HS6ST3: variants seen among roughly 807,000 people sequenced by gnomAD.
HS6ST3 encodes heparan sulfate 6-O-sulfotransferase 3, also known as heparan-sulfate 6-O-sulfotransferase 3.
In HS6ST3, 12 loss-of-function variants were observed where a neutral mutation model predicts 36.7. That is an observed-to-expected ratio of 0.33 (90% confidence interval 0.21 to 0.53). HS6ST3 has a LOEUF of 0.53. Ranked by LOEUF, HS6ST3 falls within the 20% of genes least tolerant of loss-of-function variation. The pLI, the probability that HS6ST3 is intolerant of heterozygous loss-of-function variation, is 0.95. For missense variants in HS6ST3, 584 were observed against 640.9 expected, an observed-to-expected ratio of 0.91 and a Z score of 0.96; for synonymous variants, 240 against 257.5, an observed-to-expected ratio of 0.93 and a Z score of 0.65.
chr13:96,240,162 C>G (rs1037138579), intron 1 of HS6ST3, among the ~76,000 whole-genome samples: 2 of 152,114 alleles, frequency 1.3e-5, no homozygotes, highest in Admixed American at 6.5e-5. Flanking sequence ...GTAGCACTTA[C>G]AGCATTTCAG....
chr13:96,271,291 T>C (rs1377526404), intron 1 of HS6ST3, among the ~76,000 whole-genome samples: 1 of 151,888 alleles, frequency 6.6e-6, no homozygotes, highest in Non-Finnish European at 1.5e-5. Flanking sequence ...AGCACAGAAA[T>C]AGTAAAATAG....
intron 1 of HS6ST3, among the ~76,000 whole-genome samples, chr13:96,724,976 A>G (rs1035465738): frequency 6.6e-6 from 1 of 152,216 alleles, no homozygotes; most frequent in African/African-American, 2.4e-5. Context: ...AACATTTTAT[A>G]TTCCAACCAG....
chr13:96,808,071 G>A (rs1174242008), intron 1 of HS6ST3, among the ~76,000 whole-genome samples: 1 of 151,994 alleles, frequency 6.6e-6, no homozygotes, highest in Non-Finnish European at 1.5e-5. Context: ...TTGACTGGAC[G>A]GTGCCAAAAA....
At chr13:96,134,514 A>G (rs1021604560) in intron 1 of HS6ST3, among the ~76,000 whole-genome samples, 8 of 151,772 alleles carry the variant, frequency 5.3e-5, no homozygotes, top group Non-Finnish European at 7.4e-5. Context: ...TTTTATTTCT[A>G]AGCTCTTGGT....
At chr13:96,608,928 GTAGA>G (rs550415773) in intron 1 of HS6ST3, among the ~76,000 whole-genome samples, 207 of 151,872 alleles carry the variant, frequency 1.4e-3, no homozygotes, top group Admixed American at 1.6e-3. Context: ...GTGTGTATGT[GTAGA>G]TAGATAGATA....
intron 1 of HS6ST3, among the ~76,000 whole-genome samples, chr13:96,643,755 CT>C (rs2056578581): frequency 6.6e-6 from 1 of 151,794 alleles, no homozygotes; most frequent in Non-Finnish European, 1.5e-5. Context: ...TGAAGGGGTT[CT>C]TACCCTATTT....
intron 1 of HS6ST3, among the ~76,000 whole-genome samples, chr13:96,295,537 T>G (rs1044565620): frequency 2.0e-5 from 3 of 152,102 alleles, no homozygotes. Flanking sequence ...GAGCTCTCTT[T>G]AAAAAATAGT....
At chr13:96,421,700 A>G (rs2055563351) in intron 1 of HS6ST3, among the ~76,000 whole-genome samples, 1 of 152,124 alleles carries the variant, frequency 6.6e-6, no homozygotes, top group African/African-American at 2.4e-5. Flanking sequence ...TTCCTAACTC[A>G]CCAAGAAGAA....
intron 1 of HS6ST3, among the ~76,000 whole-genome samples, chr13:96,758,645 C>A (rs938004387): frequency 2.6e-5 from 4 of 151,842 alleles, no homozygotes; most frequent in African/African-American, 9.7e-5. Context: ...TTGAGATCAG[C>A]AAAGTTTAAT....
At chr13:96,486,093 C>T (rs886801903) in intron 1 of HS6ST3, among the ~76,000 whole-genome samples, 1 of 149,468 alleles carries the variant, frequency 6.7e-6, no homozygotes, top group Non-Finnish European at 1.5e-5. Flanking sequence ...CAATTCCCAC[C>T]TGTGAGTGAG....
intron 1 of HS6ST3, among the ~76,000 whole-genome samples, chr13:96,200,964 C>G (rs968170057): frequency 2.6e-5 from 4 of 152,294 alleles, no homozygotes; most frequent in Admixed American, 2.0e-4. Context: ...AGAAAACTTA[C>G]GGCTGTGAGT....
intron 1 of HS6ST3, among the ~76,000 whole-genome samples, chr13:96,688,143 C>T (rs542960664): frequency 4.0e-5 from 6 of 150,624 alleles, no homozygotes; most frequent in East Asian, 3.9e-4. Context: ...GGGTGCAGCA[C>T]ACCAACATGG....
intron 1 of HS6ST3, among the ~76,000 whole-genome samples, chr13:96,464,031 T>C (rs1346628075): frequency 6.7e-6 from 1 of 149,098 alleles, no homozygotes. Context: ...TTTTTTTTTT[T>C]TTTTTTTTTT....
chr13:96,311,099 C>G (rs1252697749), intron 1 of HS6ST3, among the ~76,000 whole-genome samples: 1 of 152,264 alleles, frequency 6.6e-6, no homozygotes, highest in South Asian at 2.1e-4. Context: ...AATTTGATAA[C>G]TGGGTTTCTT....
intron 1 of HS6ST3, among the ~76,000 whole-genome samples, chr13:96,446,778 G>C (rs780384840): frequency 2.0e-5 from 3 of 152,146 alleles, no homozygotes; most frequent in Non-Finnish European, 4.4e-5. Context: ...GAGCACTCTA[G>C]GACTACGCCC....
At chr13:96,760,701 G>A (rs1156420030) in intron 1 of HS6ST3, among the ~76,000 whole-genome samples, 1 of 152,080 alleles carries the variant, frequency 6.6e-6, no homozygotes, top group East Asian at 1.9e-4. Context: ...TAAATTGCTA[G>A]AAGGAGAATC....
chr13:96,175,227 A>G (rs1014254939), intron 1 of HS6ST3, among the ~76,000 whole-genome samples: 1 of 151,986 alleles, frequency 6.6e-6, no homozygotes, highest in African/African-American at 2.4e-5. Flanking sequence ...TTAATATTTG[A>G]TTTGAAATGA....
chr13:96,658,488 G>T (rs2056634887), intron 1 of HS6ST3, among the ~76,000 whole-genome samples: 1 of 150,514 alleles, frequency 6.6e-6, no homozygotes, highest in Non-Finnish European at 1.5e-5. Flanking sequence ...TCACCATGTT[G>T]GTCAGGATGG....
intron 1 of HS6ST3, among the ~76,000 whole-genome samples, chr13:96,401,939 C>T (rs888850046): frequency 6.6e-6 from 1 of 152,156 alleles, no homozygotes; most frequent in Non-Finnish European, 1.5e-5. Flanking sequence ...AATAGCTCAT[C>T]AATCCAAATT....
Sources: gnomAD v4.1 joint callset for allele counts (sites outside exome capture counted in the v4.1 genomes callset) on GRCh38, gnomAD v4.1.1 for gene constraint, MANE v1.5 for transcripts, NCBI Gene and HGNC (gene_info 2026-07-23, HGNC 2026-07-21) for gene names.